GRID2: variants seen among roughly 807,000 people sequenced by gnomAD.
GRID2 encodes glutamate ionotropic receptor delta type subunit 2.
A neutral mutation model predicts 114.8 loss-of-function variants in GRID2; 33 were observed. That is an observed-to-expected ratio of 0.29 (90% CI 0.22 to 0.38). GRID2 has a LOEUF of 0.38. Among genes scored for constraint, GRID2 ranks in the 10% least tolerant of loss-of-function variants. The probability of loss-of-function intolerance (pLI) is 1.00; values close to 1 mark genes in which losing one functional copy is unlikely to be tolerated. For synonymous variants in GRID2, 505 were observed against 449.9 expected (o/e 1.12, Z -1.55); for missense variants, 1,184 against 1,257.7 (o/e 0.94, Z 0.89).
intron 2 of GRID2, among the ~76,000 whole-genome samples, chr4:93,006,196 T>C (rs1449661770): frequency 6.6e-6 from 1 of 152,074 alleles, no homozygotes. Context: ...CTAAAATACA[T>C]TCAATACAAC....
intron 1 of GRID2, among the ~76,000 whole-genome samples, chr4:92,391,670 G>T (rs767339729): frequency 2.0e-5 from 3 of 152,130 alleles, no homozygotes; most frequent in Non-Finnish European, 4.4e-5. Context: ...TGGATTACAC[G>T]TATAGGTAAA....
chr4:93,592,996 C>A (rs1738567294), intron 13 of GRID2, among the ~76,000 whole-genome samples: 1 of 151,530 alleles, frequency 6.6e-6, no homozygotes, highest in Admixed American at 6.6e-5. Flanking sequence ...ACTGATGGGT[C>A]TTGACTCTTT....
chr4:93,759,162 A>G (rs1412408527), intron 14 of GRID2, among the ~76,000 whole-genome samples: 4 of 152,158 alleles, frequency 2.6e-5, no homozygotes, highest in Non-Finnish European at 4.4e-5. Flanking sequence ...ATATATAATA[A>G]TTAAAGTTCA....
At chr4:93,105,425 G>T (rs1011634934) in intron 3 of GRID2, among the ~76,000 whole-genome samples, 6 of 152,096 alleles carry the variant, frequency 3.9e-5, no homozygotes, top group Non-Finnish European at 8.8e-5. Context: ...TTCTTCTAGG[G>T]TTTTTATGGT....
rs942455412 is a variant in GRID2, at chr4:92,648,041, T to G, written c.244+57755T>G. 3.3e-5 allele frequency among the ~76,000 whole-genome samples: 5 copies of G among 149,902 alleles called. No individual in the cohort carries two copies. In the South Asian group the frequency reaches 1.0e-3, roughly 31 times the overall value. On this transcript the variant is annotated intron_variant, in intron 2 of 15. Transcript: ENST00000282020. ...AAAAATAATTTCATAAAATGAAGTT[T>G]CACTCATTGGGGACATTTTTTATCC...
At chr4:92,618,519 A>G (rs1730114507) in intron 2 of GRID2, among the ~76,000 whole-genome samples, 1 of 151,772 alleles carries the variant, frequency 6.6e-6, no homozygotes, top group African/African-American at 2.4e-5. Flanking sequence ...TACAAAGTTT[A>G]GAGATTTTTT....
intron 8 of GRID2, among the ~76,000 whole-genome samples, chr4:93,362,619 T>G (rs564578948): frequency 6.6e-6 from 1 of 152,122 alleles, no homozygotes; most frequent in Non-Finnish European, 1.5e-5. Flanking sequence ...CAATAAGCTA[T>G]GTAGGGAAGA....
intron 1 of GRID2, among the ~76,000 whole-genome samples, chr4:93,786,559 A>C: frequency 6.6e-6 from 1 of 152,228 alleles, no homozygotes; most frequent in Non-Finnish European, 1.5e-5. Context: ...TGAAAGGCAA[A>C]AGTATGGATG....
chr4:93,340,972 G>A (rs1759587931), intron 8 of GRID2, among the ~76,000 whole-genome samples: 2 of 152,098 alleles, frequency 1.3e-5, no homozygotes, highest in Non-Finnish European at 2.9e-5. Context: ...GCTTCTCAGA[G>A]TATATTGTGG....
At chr4:92,999,185 C>A (rs1255069423) in intron 2 of GRID2, among the ~76,000 whole-genome samples, 1 of 151,912 alleles carries the variant, frequency 6.6e-6, no homozygotes, top group African/African-American at 2.4e-5. Flanking sequence ...AGCCTAGCCA[C>A]TGTCAAAATT....
intron 14 of GRID2, among the ~76,000 whole-genome samples, chr4:93,749,885 A>G (rs7697618): frequency 0.046 from 7,028 of 152,316 alleles, 536 homozygotes; most frequent in African/African-American, 0.16. Flanking sequence ...ATATAGAAAA[A>G]TGGAGATAAA....
intron 7 of GRID2, among the ~76,000 whole-genome samples, chr4:93,232,201 C>G (rs1048029929): frequency 1.3e-5 from 2 of 152,000 alleles, no homozygotes; most frequent in Non-Finnish European, 2.9e-5. Flanking sequence ...TTTAGAACAC[C>G]TTTACCTCTT....
At chr4:93,592,941 C>T (rs540023211) in intron 13 of GRID2, among the ~76,000 whole-genome samples, 2 of 151,124 alleles carry the variant, frequency 1.3e-5, no homozygotes, top group Admixed American at 1.3e-4. Context: ...TATTTTGAGC[C>T]TATGTGTGTC....
chr4:92,989,299 A>T (rs965294780), intron 2 of GRID2, among the ~76,000 whole-genome samples: 1 of 146,252 alleles, frequency 6.8e-6, no homozygotes. Flanking sequence ...AAAAAAAAAA[A>T]AAATAATAAT....
At chr4:93,561,848 A>G (rs193270580) in intron 13 of GRID2, among the ~76,000 whole-genome samples, 53 of 152,200 alleles carry the variant, frequency 3.5e-4, no homozygotes, top group Admixed American at 2.0e-3. Context: ...ATGTCTTTTC[A>G]TAACTTGATA....
In GRID2 at chr4:93,788,445, T is replaced by G. The variant is rs192254767; in HGVS notation, c.222-18270T>G. 1.1e-3 allele frequency among the ~76,000 whole-genome samples: 167 copies of G among 152,288 alleles called. 1 individual carries two copies. The highest frequency in any genetic ancestry group is 1.6e-3 in the Non-Finnish European group (111 of 68,030). The stretch of plus-strand genomic sequence containing the variant: ...CATACAAAAAAGATAAGTATGAATA[T>G]CTTAATTAGCTTAATCTAATAATTT... On this transcript the variant is annotated intron_variant, in intron 1 of 1. Transcript: ENST00000637838.
At chr4:93,374,962 A>G (rs547317229) in intron 8 of GRID2, among the ~76,000 whole-genome samples, 19 of 152,180 alleles carry the variant, frequency 1.2e-4, no homozygotes, top group African/African-American at 4.3e-4. Flanking sequence ...GTGCTTCTCT[A>G]TTATTCTTAA....
At chr4:93,412,922 G>A (rs1370952740) in intron 9 of GRID2, among the ~76,000 whole-genome samples, 1 of 152,156 alleles carries the variant, frequency 6.6e-6, no homozygotes, top group East Asian at 1.9e-4. Flanking sequence ...CAAAGGACAT[G>A]ATCTCATTCT....
At chr4:93,412,196 T>C (rs552079434) in intron 9 of GRID2, among the ~76,000 whole-genome samples, 14 of 151,682 alleles carry the variant, frequency 9.2e-5, no homozygotes, top group Admixed American at 9.2e-4. Flanking sequence ...GGTCAAGACT[T>C]TGAGACAAGC....
Sources: allele counts gnomAD v4.1 joint callset (sites outside exome capture counted in the v4.1 genomes callset), GRCh38; gene constraint gnomAD v4.1.1; transcripts MANE v1.5; gene names NCBI Gene and HGNC (gene_info 2026-07-23, HGNC 2026-07-21).